DAB1: variants seen among roughly 807,000 people sequenced by gnomAD.
DAB1 encodes the protein DAB adaptor protein 1.
A neutral mutation model predicts 64.6 loss-of-function variants in DAB1; 15 were observed. The ratio of observed to expected loss-of-function variants is 0.23; its 90% CI spans 0.16 to 0.36. DAB1 has a LOEUF of 0.36. Ranked by LOEUF, DAB1 falls within the 10% of genes least tolerant of loss-of-function variation. The pLI is 1.00. For synonymous variants in DAB1, 235 were observed against 251.9 expected (o/e 0.93, Z 0.64); for missense variants, 596 against 706.7 (o/e 0.84, Z 1.78).
At chr1:57,719,320 C>T (rs1403002932) in intron 6 of DAB1, among the ~76,000 whole-genome samples, 1 of 152,088 alleles carries the variant, frequency 6.6e-6, no homozygotes, top group Non-Finnish European at 1.5e-5. Context: ...TTCTGGTTTC[C>T]CCTGGAGAAA....
At chr1:58,534,193 C>T in intron 1 of DAB1, 1 of 871,830 alleles carries the variant, frequency 1.1e-6, no homozygotes, top group Non-Finnish European at 2.0e-6. Flanking sequence ...GGGGAATCAA[C>T]CACATGAATA....
intron 3 of DAB1, among the ~76,000 whole-genome samples, chr1:58,364,043 G>A (rs937823206): frequency 2.6e-5 from 4 of 152,208 alleles, no homozygotes; most frequent in Non-Finnish European, 4.4e-5. Context: ...TATGACCCAG[G>A]CAGACTGAGT....
chr1:57,824,961 G>A (rs1652281218), downstream of DAB1, among the ~76,000 whole-genome samples: 1 of 152,186 alleles, frequency 6.6e-6, no homozygotes, highest in Non-Finnish European at 1.5e-5. Flanking sequence ...CTTCCCATGA[G>A]GGTACTGGAT....
chr1:58,534,424 C>T (rs1238106248), intron 1 of DAB1: 2 of 609,918 alleles, frequency 3.3e-6, no homozygotes, highest in South Asian at 2.4e-5. Context: ...TATTATTGAA[C>T]ATTTTAAGTT....
intron 14 of DAB1, among the ~76,000 whole-genome samples, chr1:56,999,467 C>T (rs1645761318): frequency 1.3e-5 from 2 of 152,182 alleles, no homozygotes; most frequent in Admixed American, 1.3e-4. Flanking sequence ...GTTTACAAAG[C>T]ACCTCATGTC....
chr1:58,334,723 ACT>A (rs200609826), intron 4 of DAB1, among the ~76,000 whole-genome samples: 1 of 146,196 alleles, frequency 6.8e-6, no homozygotes, highest in East Asian at 2.0e-4. Context: ...TCATCACAAA[ACT>A]CTGTGAATTC....
chr1:58,544,881 A>G (rs1646676457), intron 1 of DAB1, among the ~76,000 whole-genome samples: 1 of 152,168 alleles, frequency 6.6e-6, no homozygotes, highest in Non-Finnish European at 1.5e-5. Context: ...GGCCTGAGCC[A>G]CCGCACCTGG....
intron 3 of DAB1, among the ~76,000 whole-genome samples, chr1:58,469,303 T>A (rs962574813): frequency 2.6e-5 from 4 of 152,072 alleles, no homozygotes; most frequent in African/African-American, 9.7e-5. Context: ...ACTTTTGTTA[T>A]CTGAAAAATG....
intron 7 of DAB1, among the ~76,000 whole-genome samples, chr1:57,537,305 C>T (rs1384430597): frequency 1.3e-5 from 2 of 152,114 alleles, no homozygotes; most frequent in African/African-American, 2.4e-5. Context: ...TCCAGGTCTC[C>T]ATTCTCTGGA....
chr1:58,071,321 T>C (rs1343640882), intron 5 of DAB1, among the ~76,000 whole-genome samples: 1 of 151,030 alleles, frequency 6.6e-6, no homozygotes, highest in East Asian at 2.0e-4. Context: ...CCAGAATCCA[T>C]GTGAAGAAGA....
At position 58,472,205 on chromosome 1, in the gene DAB1, G is replaced by A. The variant is rs192138076; in HGVS notation, n.257+33855C>T. Reference sequence around the variant, plus strand: ...TGGAAGAAAAAGACACCCTAGGTAGGGCTATCTTATTGTCTAATCCCATGG... The same window carrying A: ...TGGAAGAAAAAGACACCCTAGGTAGAGCTATCTTATTGTCTAATCCCATGG... On this transcript the variant is annotated intron_variant and non_coding_transcript_variant, in intron 3 of 20. Transcript: ENST00000485760. 4.0e-3 allele frequency among the ~76,000 whole-genome samples: 614 copies of A among 152,174 alleles called. 14 individuals carry two copies. Among genetic ancestry groups the A allele is most frequent in the Non-Finnish European group, 1.0e-3 (69 of 68,006 alleles).
At chr1:58,456,212 G>C (rs1221536799) in intron 3 of DAB1, among the ~76,000 whole-genome samples, 33 of 152,224 alleles carry the variant, frequency 2.2e-4, no homozygotes, top group Non-Finnish European at 7.3e-5. Context: ...TTCAAAGACT[G>C]GGATCTTGGG....
intron 5 of DAB1, among the ~76,000 whole-genome samples, chr1:58,005,891 T>C (rs1646575590): frequency 6.6e-6 from 1 of 152,210 alleles, no homozygotes; most frequent in African/African-American, 2.4e-5. Context: ...TTATTGTTCC[T>C]CCTTTTTCCA....
intron 1 of DAB1, among the ~76,000 whole-genome samples, chr1:57,387,838 A>AAGAG (rs1558289008): frequency 6.8e-6 from 1 of 146,846 alleles, no homozygotes; most frequent in Non-Finnish European, 1.5e-5. Flanking sequence ...AAAAAAAAAA[A>AAGAG]AGAGAGAGAA....
rs1647139769 is a variant in DAB1, at chr1:58,041,761, G to A, written n.387+108750C>T. On this transcript the variant is annotated intron_variant and non_coding_transcript_variant, in intron 5 of 20. Transcript: ENST00000485760. ...TAGAATTGGCATTGGCTTCCTGTGT[G>A]CTCTAGGCTATGAAGGATTACGAGG... Among the ~76,000 whole-genome samples, 5 of 152,288 alleles carry A rather than the reference G, an allele frequency of 3.3e-5. No individual in the cohort carries two copies. The South Asian group carries it at 1.0e-3, about 32-fold the overall frequency.
intron 6 of DAB1, among the ~76,000 whole-genome samples, chr1:57,664,550 A>G (rs896821096): frequency 2.0e-5 from 3 of 152,192 alleles, no homozygotes; most frequent in African/African-American, 7.2e-5. Context: ...TTGAAGGACA[A>G]TTTGATAATA....
chr1:57,510,553 G>A (rs961148627), intron 7 of DAB1, among the ~76,000 whole-genome samples: 13 of 151,994 alleles, frequency 8.6e-5, no homozygotes, highest in African/African-American at 3.1e-4. Context: ...ATATTATTTG[G>A]CTTTCTAATT....
At chr1:57,495,509 A>G (rs1363828228) in intron 7 of DAB1, among the ~76,000 whole-genome samples, 1 of 152,150 alleles carries the variant, frequency 6.6e-6, no homozygotes, top group African/African-American at 2.4e-5. Context: ...AATGTGCACA[A>G]CTCAGTAGAA....
In DAB1 at chr1:58,049,239, G is replaced by C. The variant is rs559800402; in HGVS notation, n.387+101272C>G. On this transcript the variant is annotated intron_variant and non_coding_transcript_variant, in intron 5 of 20. Transcript: ENST00000485760. ...AGTGGTGTCAAAGCTCAGCCCTCCA[G>C]TGAAGAGCTTCCTAAGCTGTTCGGG... The C allele has an allele frequency of 6.0e-4, 457 of 762,680 alleles. 3 individuals are homozygous for C. The African/African-American group carries it at 7.1e-3, about 12-fold the overall frequency. The allele number at this position is 762,680 out of a possible 1,614,324, so 47.2% of individuals were successfully genotyped here.
Sources: gnomAD v4.1 joint callset for allele counts (sites outside exome capture counted in the v4.1 genomes callset) on GRCh38, gnomAD v4.1.1 for gene constraint, MANE v1.5 for transcripts, NCBI Gene and HGNC (gene_info 2026-07-23, HGNC 2026-07-21) for gene names.